SAMD5: variants seen among roughly 807,000 people sequenced by gnomAD.
SAMD5 encodes the protein sterile alpha motif domain-containing protein 5.
Under a neutral mutation model 11.3 loss-of-function variants are expected in SAMD5, and 13 were observed. The observed-to-expected ratio is 1.15, with a 90% confidence interval of 0.75 to 1.83. The LOEUF (loss-of-function observed/expected upper bound fraction) is 1.83. Among genes scored for constraint, SAMD5 ranks in the 40% most tolerant of loss-of-function variants. The pLI is 0.00. For synonymous variants in SAMD5, 129 were observed against 111.3 expected (o/e 1.16, Z -1.00); for missense variants, 255 against 239.1 (o/e 1.07, Z -0.44).
chr6:147,598,313 C>T (rs1170300611), intron 1 of SAMD5, among the ~76,000 whole-genome samples: 1 of 151,888 alleles, frequency 6.6e-6, no homozygotes, highest in African/African-American at 2.4e-5. Context: ...TTTGTAGAGA[C>T]AGGGTTGCAC....
At chr6:147,871,711 T>TAGAGACACTGA in the SAMD5 span, among the ~76,000 whole-genome samples, 1 of 152,214 alleles carries the variant, frequency 6.6e-6, no homozygotes, top group Non-Finnish European at 1.5e-5. Context: ...GTCCTCCCCT[T>TAGAGACACTGA]TGTCCTATTA....
chr6:147,945,361 A>G, the SAMD5 span, among the ~76,000 whole-genome samples: 3 of 152,118 alleles, frequency 2.0e-5, no homozygotes, highest in Non-Finnish European at 4.4e-5. Flanking sequence ...ATATTTTATT[A>G]TTTGTGTATG....
At chr6:147,582,297 G>A (rs146202606) in intron 1 of SAMD5, among the ~76,000 whole-genome samples, 1,612 of 151,304 alleles carry the variant, frequency 0.011, 12 homozygotes, top group Non-Finnish European at 0.018. Context: ...AACCCAGGAG[G>A]TGGAGGTTGC....
At chr6:147,851,603 C>T in the SAMD5 span, among the ~76,000 whole-genome samples, 1 of 152,092 alleles carries the variant, frequency 6.6e-6, no homozygotes, top group Non-Finnish European at 1.5e-5. Context: ...CAACTCGTAC[C>T]ACCTCTTGAT....
the SAMD5 span, among the ~76,000 whole-genome samples, chr6:147,816,302 A>AAAAAAAAAAAAAAAAAATC: frequency 1.2e-4 from 5 of 43,222 alleles, no homozygotes; most frequent in African/African-American, 6.7e-4. Flanking sequence ...AAAAAAAAAA[A>AAAAAAAAAAAAAAAAAATC]TATATATATA....
the SAMD5 span, among the ~76,000 whole-genome samples, chr6:147,917,992 G>A: frequency 1.3e-5 from 2 of 152,156 alleles, no homozygotes; most frequent in African/African-American, 4.8e-5. Context: ...CAGGTAGCGT[G>A]ATGCCTCCAG....
At chr6:147,555,992 C>A (rs989752426) in intron 1 of SAMD5, among the ~76,000 whole-genome samples, 1 of 151,900 alleles carries the variant, frequency 6.6e-6, no homozygotes, top group South Asian at 2.1e-4. Context: ...GAGATATGCA[C>A]AAATGTAAAA....
intron 1 of SAMD5, among the ~76,000 whole-genome samples, chr6:147,631,812 G>A (rs925110891): frequency 5.9e-5 from 9 of 152,032 alleles, no homozygotes; most frequent in Non-Finnish European, 1.2e-4. Context: ...GGGCCTGAAC[G>A]ATCCCTGAAG....
the SAMD5 span, among the ~76,000 whole-genome samples, chr6:147,925,490 A>T: frequency 6.7e-6 from 1 of 148,460 alleles, no homozygotes; most frequent in Non-Finnish European, 1.5e-5. Flanking sequence ...TAAGAATAGA[A>T]TTTTTTTTTT....
intron 1 of SAMD5, among the ~76,000 whole-genome samples, chr6:147,714,898 A>T (rs563355755): frequency 2.1e-4 from 32 of 152,332 alleles, no homozygotes; most frequent in African/African-American, 7.2e-4. Context: ...GTGGGTCATT[A>T]CTTAGCCATT....
chr6:147,585,726 G>A (rs1202862839), intron 1 of SAMD5, among the ~76,000 whole-genome samples: 6 of 152,056 alleles, frequency 3.9e-5, no homozygotes, highest in Non-Finnish European at 2.9e-5. Context: ...AAAGAATTCT[G>A]AGTTTTGGTC....
intron 1 of SAMD5, among the ~76,000 whole-genome samples, chr6:147,558,593 A>C (rs983225951): frequency 6.6e-6 from 1 of 151,600 alleles, no homozygotes; most frequent in African/African-American, 2.4e-5. Context: ...CTATTTTCGA[A>C]TCTCCCCCCC....
At chr6:147,708,579 A>G (rs371204182) in intron 1 of SAMD5, among the ~76,000 whole-genome samples, 8 of 152,350 alleles carry the variant, frequency 5.3e-5, no homozygotes, top group African/African-American at 1.2e-4. Context: ...AGAGAAGGGA[A>G]CAGAAGTGGA....
chr6:147,567,872 A>G lies in SAMD5; in HGVS notation c.*3416A>G. ...TGATTGAATGAAAAGAATTTGATTT[A>G]AGGAAACAATAACACTCCATCCTGG... On this transcript the variant is annotated 3_prime_UTR_variant, in exon 2 of 2. Transcript: ENST00000367474. The G allele has an allele frequency of 1.0e-6, 1 of 985,480 alleles. No individual in the cohort carries two copies. 61.0% of individuals were successfully genotyped at this position (985,480 alleles called of 1,614,324 possible).
At chr6:147,581,529 C>T (rs1044873774) in intron 1 of SAMD5, among the ~76,000 whole-genome samples, 1 of 152,078 alleles carries the variant, frequency 6.6e-6, no homozygotes, top group Non-Finnish European at 1.5e-5. Flanking sequence ...CAGGAAGGAG[C>T]TTTGAACCAA....
chr6:147,583,465 T>G (rs1789326601), intron 1 of SAMD5, among the ~76,000 whole-genome samples: 2 of 152,328 alleles, frequency 1.3e-5, no homozygotes, highest in East Asian at 1.9e-4. Flanking sequence ...TTTTCTACAA[T>G]CAGTTGTCAT....
At chr6:147,721,255 A>G (rs1791548055) in intron 1 of SAMD5, among the ~76,000 whole-genome samples, 2 of 149,686 alleles carry the variant, frequency 1.3e-5, no homozygotes, top group Admixed American at 1.3e-4. Flanking sequence ...CTAGTTCTAG[A>G]TCCCTGAGGA....
At chr6:147,762,004 C>T in the SAMD5 span, among the ~76,000 whole-genome samples, 4 of 151,980 alleles carry the variant, frequency 2.6e-5, no homozygotes, top group African/African-American at 9.7e-5. Context: ...TGAGCCACCA[C>T]GCCTGGCCTT....
chr6:147,510,317 T>G (rs930954653), intron 1 of SAMD5, among the ~76,000 whole-genome samples: 4 of 152,174 alleles, frequency 2.6e-5, no homozygotes. Context: ...TGCGAGTCTG[T>G]TCCGTTTAGG....
Sources: allele counts gnomAD v4.1 joint callset (sites outside exome capture counted in the v4.1 genomes callset), GRCh38; gene constraint gnomAD v4.1.1; transcripts MANE v1.5; gene names NCBI Gene and HGNC (gene_info 2026-07-23, HGNC 2026-07-21).